The following BLM variants were observed in gnomAD, a reference collection of about 807,000 sequenced individuals.
BLM encodes BLM RecQ like helicase.
BLM carries 95 observed loss-of-function variants against 135.3 expected under a neutral mutation model. That is an observed-to-expected ratio of 0.70 (90% confidence interval 0.59 to 0.83). The LOEUF (loss-of-function observed/expected upper bound fraction) is 0.83, where lower values mean the gene tolerates loss of function less well. BLM is among the 40% of genes least tolerant of loss of function. BLM has a pLI of 0.00. For synonymous variants in BLM, 520 were observed against 589.2 expected (o/e 0.88, Z 1.70); for missense variants, 1,518 against 1,663.9 (o/e 0.91, Z 1.53).
At chr15:90,736,273 CT>C (rs747221467) in intron 1 of BLM, among the ~76,000 whole-genome samples, 1 of 150,902 alleles carries the variant, frequency 6.6e-6, no homozygotes, top group African/African-American at 2.4e-5. Flanking sequence ...TCTTTCTTTC[CT>C]TTTTTTTTGA....
At chr15:90,768,503 G>T (rs753260518) in intron 10 of BLM, among the ~76,000 whole-genome samples, 1 of 152,064 alleles carries the variant, frequency 6.6e-6, no homozygotes, top group Non-Finnish European at 1.5e-5. Flanking sequence ...CAGCCAACAC[G>T]CATCCATATA....
intron 12 of BLM, among the ~76,000 whole-genome samples, chr15:90,779,681 C>T (rs1896570293): frequency 1.3e-5 from 2 of 152,278 alleles, no homozygotes; most frequent in Middle Eastern, 3.4e-3. Flanking sequence ...CAGGGTAATG[C>T]ATTCTGTGAT....
chr15:90,802,258 T>C (rs1471076192), intron 17 of BLM, among the ~76,000 whole-genome samples: 1 of 152,228 alleles, frequency 6.6e-6, no homozygotes, highest in Non-Finnish European at 1.5e-5. Context: ...ATAATATAAT[T>C]ATTTGGAACT....
intron 12 of BLM, among the ~76,000 whole-genome samples, chr15:90,775,510 A>ATGTG (rs200736562): frequency 5.2e-4 from 75 of 144,886 alleles, no homozygotes; most frequent in East Asian, 1.4e-3. Flanking sequence ...TTATATATAT[A>ATGTG]TGTGTGTGTG....
chr15:90,725,790 C>A (rs1596197030), intron 1 of BLM, among the ~76,000 whole-genome samples: 1 of 151,710 alleles, frequency 6.6e-6, no homozygotes, highest in Admixed American at 6.6e-5. Context: ...GGATTACAGG[C>A]GTGAGCCACC....
chr15:90,809,693 T>A (rs867162423), intron 20 of BLM, among the ~76,000 whole-genome samples: 1 of 152,212 alleles, frequency 6.6e-6, no homozygotes, highest in African/African-American at 2.4e-5. Flanking sequence ...TGTTTAAATG[T>A]TTTGGAGAAA....
chr15:90,738,624 A>C (rs757795658), intron 1 of BLM, among the ~76,000 whole-genome samples: 2 of 139,640 alleles, frequency 1.4e-5, no homozygotes, highest in Non-Finnish European at 2.9e-5. Flanking sequence ...CTCAACAAAT[A>C]ACCCATTTAG....
chr15:90,763,464 T>C (rs1896040903), intron 8 of BLM, among the ~76,000 whole-genome samples: 1 of 152,246 alleles, frequency 6.6e-6, no homozygotes, highest in Non-Finnish European at 1.5e-5. Context: ...GAAAAATCGC[T>C]GTCAGAGACC....
At chr15:90,775,256 G>C (rs76037567) in intron 12 of BLM, among the ~76,000 whole-genome samples, 1 of 151,988 alleles carries the variant, frequency 6.6e-6, no homozygotes, top group Non-Finnish European at 1.5e-5. Context: ...CAGGTGCCTA[G>C]AACCATTGAC....
At chr15:90,805,848 A>G (rs1897275357) in intron 19 of BLM, among the ~76,000 whole-genome samples, 1 of 151,966 alleles carries the variant, frequency 6.6e-6, no homozygotes, top group African/African-American at 2.4e-5. Context: ...TGTAATTTCT[A>G]AAACGAGACA....
At chr15:90,798,462 CTT>C (rs2151190607) in intron 17 of BLM, 125 bp downstream of exon 17, 2 of 946,846 alleles carry the variant, frequency 2.1e-6, no homozygotes, top group East Asian at 5.1e-5. Context: ...CTGAATAAAA[CTT>C]TTAAGTAACA....
chr15:90,800,137 A>G (rs1897129950), intron 17 of BLM, among the ~76,000 whole-genome samples: 1 of 152,170 alleles, frequency 6.6e-6, no homozygotes, highest in Non-Finnish European at 1.5e-5. Context: ...CTTCTGCTCA[A>G]AATAATTTTT....
At chr15:90,733,643 C>CTT (rs1017969679) in intron 1 of BLM, among the ~76,000 whole-genome samples, 1 of 152,138 alleles carries the variant, frequency 6.6e-6, no homozygotes, top group Non-Finnish European at 1.5e-5. Context: ...CTTAGACCCT[C>CTT]TTTTTTAAAG....
intron 7 of BLM, chr15:90,762,424 T>C (rs1232236880): frequency 1.3e-5 from 2 of 154,384 alleles, no homozygotes; most frequent in African/African-American, 4.8e-5. Context: ...AAAGTGCTGG[T>C]AAGTCATTCA....
At chr15:90,718,449 A>T (rs1473667478) in intron 1 of BLM, among the ~76,000 whole-genome samples, 1 of 152,214 alleles carries the variant, frequency 6.6e-6, no homozygotes, top group Non-Finnish European at 1.5e-5. Flanking sequence ...TGTGCCACCC[A>T]TGCAGATAAA....
chr15:90,794,466 G>A (rs1191620143), intron 16 of BLM, 109 bp downstream of exon 16: 4 of 811,088 alleles, frequency 4.9e-6, no homozygotes, highest in Non-Finnish European at 7.4e-6. Flanking sequence ...GATTAACAGG[G>A]GAAAGACAGC....
At position 90,765,387 on chromosome 15, in the gene BLM, T is replaced by G; in HGVS notation, c.2166T>G (p.Asp722Glu). The change falls in exon 9 of 22, where the codon GAT (aspartate) becomes GAG (glutamate). Residue 722 changes from aspartate (D) to glutamate (E), a missense_variant. This residue lies in a region of BLM where 626 missense variants were observed against 681.1 expected (regional missense o/e 0.92). Coordinates refer to ENST00000355112, the MANE Select transcript of BLM (RefSeq NM_000057.4). ...CTCCCTTGAGATCACTTATCGTAGATCAAGTCCAAAAGCTGACTTCCTTGG... is the reference window on the plus strand; with the variant it reads ...CTCCCTTGAGATCACTTATCGTAGAGCAAGTCCAAAAGCTGACTTCCTTGG... ...VISPLRSLIV[D>E]QVQKLTSLDI... 1.2e-6 allele frequency: 2 copies of G among 1,612,042 alleles called. No homozygotes were observed. The highest frequency in any genetic ancestry group is 2.2e-5 in the South Asian group (2 of 91,040).
chr15:90,760,745 C>A lies in BLM; in HGVS notation c.1372C>A (p.Leu458Ile). Reference protein sequence around the residue: ...NSMKELNFSHLPSNSVSPGDC... With the variant: ...NSMKELNFSHIPSNSVSPGDC... ...TATGAAGGAGTTAAATTTTTCACAC[C>A]TTCCCTCAAATTCTGTTTCTCCTGG... The change falls in exon 7 of 22, where the codon CTT (leucine) becomes ATT (isoleucine). Residue 458 changes from leucine to isoleucine, a missense_variant. Physicochemically the swap from Leu to Ile is conservative, Grantham distance 5. Coordinates refer to ENST00000355112, the MANE Select transcript of BLM (RefSeq NM_000057.4). The A allele has an allele frequency of 6.2e-7, 1 of 1,614,040 alleles. No homozygotes were observed. Among genetic ancestry groups the A allele is most frequent in the Non-Finnish European group, 8.5e-7 (1 of 1,180,006 alleles).
chr15:90,810,533 G>T (rs116412934), intron 20 of BLM, among the ~76,000 whole-genome samples: 1 of 152,136 alleles, frequency 6.6e-6, no homozygotes, highest in African/African-American at 2.4e-5. Flanking sequence ...CTGGGTCCCC[G>T]TGTGAGCTAT....
Sources: gnomAD v4.1 joint callset for allele counts (sites outside exome capture counted in the v4.1 genomes callset) on GRCh38, gnomAD v4.1.1 for gene constraint, gnomAD v4.1.1 regional missense constraint, MANE v1.5 for transcripts, NCBI Gene and HGNC (gene_info 2026-07-23, HGNC 2026-07-21) for gene names.